EFCC1: variants seen among roughly 807,000 people sequenced by gnomAD.
EFCC1 encodes the protein EF-hand and coiled-coil domain-containing protein 1.
Under a neutral mutation model 52.1 loss-of-function variants are expected in EFCC1, and 50 were observed. That is an observed-to-expected ratio of 0.96 (90% CI 0.76 to 1.21). The LOEUF is 1.21. Among genes scored for constraint, EFCC1 ranks in the 50% most tolerant of loss-of-function variants. The probability of loss-of-function intolerance (pLI) is 0.00; values close to 1 mark genes in which losing one functional copy is unlikely to be tolerated. For missense variants in EFCC1, 837 were observed against 867.3 expected, an observed-to-expected ratio of 0.97 and a Z score of 0.44; for synonymous variants, 399 against 396.5, an observed-to-expected ratio of 1.01 and a Z score of -0.08.
intron 2 of EFCC1, among the ~76,000 whole-genome samples, chr3:129,012,594 C>A (rs73865538): frequency 6.6e-6 from 1 of 152,300 alleles, no homozygotes; most frequent in South Asian, 2.1e-4. Context: ...GGGTCACAGC[C>A]CCACCTCCAG....
At chr3:129,023,391 C>T (rs540668622) in intron 2 of EFCC1, among the ~76,000 whole-genome samples, 20 of 150,498 alleles carry the variant, frequency 1.3e-4, no homozygotes, top group African/African-American at 4.2e-4. Context: ...CGCAGTGGTG[C>T]GATCTTGGCT....
At chr3:129,019,764 CTTTTTTT>C (rs760118112) in intron 2 of EFCC1, among the ~76,000 whole-genome samples, 1 of 107,424 alleles carries the variant, frequency 9.3e-6, no homozygotes. Context: ...ATTAAATTTA[CTTTTTTT>C]TTTTTTTTTT....
In EFCC1 at chr3:129,037,085, G is replaced by A. The variant is rs776853508; in HGVS notation, c.1561G>A (p.Val521Met). The change falls in exon 6 of 8, where the codon GTG becomes ATG. Residue 521 changes from valine to methionine, a missense_variant. By Grantham distance (21) the Val-to-Met change is conservative (BLOSUM62 1). Coordinates refer to ENST00000683648, the MANE Select transcript of EFCC1 (RefSeq NM_001377500.1). The part of the protein sequence containing the change: ...LSLLEEKLVD[V>M]LQLLQRLRDL... ...CCTGCTGGAGGAGAAGCTGGTGGAC[G>A]TGCTGCAGCTCCTGCAGAGGCTCCG... 2.5e-5 allele frequency: 41 copies of A among 1,611,554 alleles called. 1 individual carries two copies. The highest frequency in any genetic ancestry group is 1.2e-4 in the South Asian group (11 of 90,790).
intron 2 of EFCC1, among the ~76,000 whole-genome samples, chr3:129,004,898 G>A (rs1559955958): frequency 6.6e-6 from 1 of 152,122 alleles, no homozygotes; most frequent in Admixed American, 6.6e-5. Flanking sequence ...GTGTGAGTGT[G>A]GGCAAGTCAC....
chr3:129,006,737 C>T (rs755914560), intron 2 of EFCC1, among the ~76,000 whole-genome samples: 3 of 152,142 alleles, frequency 2.0e-5, no homozygotes, highest in South Asian at 2.1e-4. Flanking sequence ...GAAGGGCACA[C>T]GGTGATTAGG....
At chr3:129,016,420 G>A (rs925884545) in intron 2 of EFCC1, among the ~76,000 whole-genome samples, 2 of 152,098 alleles carry the variant, frequency 1.3e-5, no homozygotes, top group East Asian at 3.9e-4. Context: ...GAAGTGGGCT[G>A]TGTGATTGTG....
At chr3:129,015,402 A>G (rs910314536) in intron 2 of EFCC1, among the ~76,000 whole-genome samples, 25 of 151,320 alleles carry the variant, frequency 1.7e-4, no homozygotes, top group African/African-American at 6.1e-4. Context: ...TGATGACTTC[A>G]TTGAGGTCTG....
chr3:129,023,524 A>G lies in EFCC1; in HGVS notation c.981-7179A>G, dbSNP rs199751781. 2.0e-4 allele frequency among the ~76,000 whole-genome samples: 30 copies of G among 152,100 alleles called. 1 individual carries two copies. The highest frequency in any genetic ancestry group is 9.7e-4 in the East Asian group (5 of 5,164). ...TGGTTTTGTATTTTTAGTAGAGACG[A>G]GGTTTCACCATGTTAGCCAGGATGG... On this transcript the variant is annotated intron_variant, in intron 2 of 7. Coordinates refer to ENST00000683648, the MANE Select transcript of EFCC1 (RefSeq NM_001377500.1).
At position 129,005,597 on chromosome 3, in the gene EFCC1, G is replaced by C. The variant is rs545204943; in HGVS notation, c.980+1520G>C. On this transcript the variant is annotated intron_variant, in intron 2 of 7. Coordinates refer to ENST00000683648, the MANE Select transcript of EFCC1 (RefSeq NM_001377500.1). ...ACAAAGAGATGGGCAGATGGGGAGA[G>C]CAGGAGACAGTGCAGAGCCCAGTGA... Among the ~76,000 whole-genome samples, 3 of 152,382 alleles carry C rather than the reference G, an allele frequency of 2.0e-5. No individual in the cohort carries two copies. In the East Asian group the frequency reaches 5.8e-4, roughly 29 times the overall value.
intron 2 of EFCC1, among the ~76,000 whole-genome samples, chr3:129,026,366 A>G (rs751923461): frequency 6.6e-6 from 1 of 151,976 alleles, no homozygotes; most frequent in Admixed American, 6.5e-5. Flanking sequence ...GGAATAGAAG[A>G]AGCAGCAGCA....
intron 2 of EFCC1, among the ~76,000 whole-genome samples, chr3:129,019,230 T>A (rs1176542795): frequency 6.6e-6 from 1 of 152,254 alleles, no homozygotes; most frequent in Non-Finnish European, 1.5e-5. Flanking sequence ...ACAAGGGTAT[T>A]CTGCTGGATA....
intron 2 of EFCC1, among the ~76,000 whole-genome samples, chr3:129,005,880 C>T (rs1945052808): frequency 6.6e-6 from 1 of 152,274 alleles, no homozygotes; most frequent in South Asian, 2.1e-4. Flanking sequence ...TTGAGGCCCA[C>T]ATCCAGCCTT....
chr3:129,030,117 T>C lies in EFCC1; in HGVS notation c.981-586T>C, dbSNP rs1946241432. ...GGGAGGATCGCTTGAGCCCGGGAGG[T>C]TTGGCTGCAGTGAGCCAAGATCATG... On this transcript the variant is annotated intron_variant, in intron 2 of 7. Transcript: ENST00000683648. 1.3e-5 allele frequency among the ~76,000 whole-genome samples: 2 copies of C among 151,878 alleles called. 1 individual carries two copies. Among genetic ancestry groups the C allele is most frequent in the South Asian group, 4.2e-4 (2 of 4,794 alleles).
chr3:129,029,345 T>C (rs1200606049), intron 2 of EFCC1, among the ~76,000 whole-genome samples: 1 of 152,150 alleles, frequency 6.6e-6, no homozygotes, highest in Non-Finnish European at 1.5e-5. Flanking sequence ...CCTTAAAATA[T>C]CAAGAAAAGT....
chr3:129,015,054 A>C (rs1410829798), intron 2 of EFCC1, among the ~76,000 whole-genome samples: 1 of 152,168 alleles, frequency 6.6e-6, no homozygotes, highest in African/African-American at 2.4e-5. Flanking sequence ...ACCACGGACC[A>C]CACAGCATCA....
intron 3 of EFCC1, among the ~76,000 whole-genome samples, chr3:129,032,479 C>T (rs1439884645): frequency 6.6e-6 from 1 of 151,666 alleles, no homozygotes; most frequent in East Asian, 1.9e-4. Flanking sequence ...CACCACTGCA[C>T]TCCAGCTTGG....
At chr3:129,038,788 C>A in intron 6 of EFCC1, 43 bp from the exon 7 acceptor site, 1 of 1,599,852 alleles carries the variant, frequency 6.3e-7, no homozygotes, top group Non-Finnish European at 8.6e-7. Flanking sequence ...AACAGGGACA[C>A]AGCAACCAGT....
chr3:129,039,808 C>T lies in EFCC1; in HGVS notation c.1760C>T (p.Ala587Val), dbSNP rs746933548. ...AGACAGCCCTCGGCACCAGCCTCTGCAGCAGCTGCGCTCACCAACCCCCTC... is the reference window on the plus strand; with the variant it reads ...AGACAGCCCTCGGCACCAGCCTCTGTAGCAGCTGCGCTCACCAACCCCCTC... ...LRRQPSAPAS[A>V]AAALTNPLLV... The change falls in exon 8 of 8, where the codon GCA becomes GTA. Residue 587 changes from alanine (A) to valine (V), a missense_variant. Transcript: ENST00000683648. 1 of 1,611,924 alleles carries T rather than the reference C, an allele frequency of 6.2e-7. No homozygotes were observed. Among genetic ancestry groups the T allele is most frequent in the East Asian group, 2.2e-5 (1 of 44,712 alleles).
intron 2 of EFCC1, among the ~76,000 whole-genome samples, chr3:129,028,396 T>A (rs2107932254): frequency 6.6e-6 from 1 of 152,186 alleles, no homozygotes; most frequent in South Asian, 2.1e-4. Context: ...GCCATTTCAT[T>A]CTTAAAAAAA....
Sources: gnomAD v4.1 joint callset for allele counts (sites outside exome capture counted in the v4.1 genomes callset) on GRCh38, gnomAD v4.1.1 for gene constraint, MANE v1.5 for transcripts, NCBI Gene and HGNC (gene_info 2026-07-23, HGNC 2026-07-21) for gene names.